Variants in ATXN7L1 observed in about 807,000 individuals in gnomAD.
The protein encoded by ATXN7L1 is ataxin 7 like 1.
ATXN7L1 carries 15 observed loss-of-function variants against 70.8 expected under a neutral mutation model. That is an observed-to-expected ratio of 0.21 (90% CI 0.14 to 0.33). The LOEUF is 0.33. Ranked by LOEUF, ATXN7L1 falls within the 10% of genes least tolerant of loss-of-function variation. The probability of loss-of-function intolerance (pLI) is 1.00; values close to 1 mark genes in which losing one functional copy is unlikely to be tolerated. For synonymous variants in ATXN7L1, 440 were observed against 445.1 expected, an observed-to-expected ratio of 0.99 and a Z score of 0.14; for missense variants, 975 against 1,097.1, an observed-to-expected ratio of 0.89 and a Z score of 1.57.
At chr7:105,679,368 T>C (rs1323907405) in intron 3 of ATXN7L1, among the ~76,000 whole-genome samples, 1 of 152,144 alleles carries the variant, frequency 6.6e-6, no homozygotes, top group African/African-American at 2.4e-5. Flanking sequence ...GGGCTGGGCC[T>C]TTCCGCAGCC....
chr7:105,766,197 C>A (rs546329674), intron 3 of ATXN7L1, among the ~76,000 whole-genome samples: 1 of 150,086 alleles, frequency 6.7e-6, no homozygotes, highest in Non-Finnish European at 1.5e-5. Context: ...CTATTGCATC[C>A]TTGGACATAA....
chr7:105,800,776 C>T (rs1806697866), intron 2 of ATXN7L1, among the ~76,000 whole-genome samples: 1 of 152,210 alleles, frequency 6.6e-6, no homozygotes, highest in Non-Finnish European at 1.5e-5. Flanking sequence ...TTCCAGAAAA[C>T]AGTGTCTTAC....
intron 3 of ATXN7L1, among the ~76,000 whole-genome samples, chr7:105,781,393 C>A (rs1941637427): frequency 6.6e-6 from 1 of 152,168 alleles, no homozygotes. Context: ...TACACAATTA[C>A]TAAAAAGTAA....
At chr7:105,695,962 G>A (rs768091096) in intron 3 of ATXN7L1, among the ~76,000 whole-genome samples, 6 of 152,194 alleles carry the variant, frequency 3.9e-5, no homozygotes, top group Non-Finnish European at 7.3e-5. Context: ...TTGTCAGGAA[G>A]TGAAGGCTTG....
At chr7:105,735,082 C>T (rs1397835385) in intron 3 of ATXN7L1, among the ~76,000 whole-genome samples, 1 of 152,216 alleles carries the variant, frequency 6.6e-6, no homozygotes, top group Non-Finnish European at 1.5e-5. Context: ...TCTGTGCATT[C>T]TCACCTATAA....
intron 2 of ATXN7L1, among the ~76,000 whole-genome samples, chr7:105,820,803 C>T (rs532857255): frequency 1.3e-5 from 2 of 152,170 alleles, no homozygotes; most frequent in South Asian, 2.1e-4. Flanking sequence ...GCACCATCGC[C>T]TTGGTGATAA....
intron 2 of ATXN7L1, 60 bp downstream of exon 2, chr7:105,875,752 G>A: frequency 1.3e-6 from 2 of 1,510,440 alleles, no homozygotes; most frequent in Non-Finnish European, 9.2e-7. Flanking sequence ...CATTATATTC[G>A]AAATCCTGTG....
chr7:105,706,644 G>A (rs1793211189), intron 3 of ATXN7L1, among the ~76,000 whole-genome samples: 1 of 152,240 alleles, frequency 6.6e-6, no homozygotes, highest in Admixed American at 6.5e-5. Flanking sequence ...CACTATGCCA[G>A]CCACCAGCAT....
rs935045136 is a variant in ATXN7L1 at position 105,614,153 on chromosome 7, C to T, written c.2181G>A (p.Ala727=). ...CCGCGCCCACCTGTCTCACTATGTCCGCGGGGCCGCCGGGCAGCGAGGTCC... is the reference window on the plus strand; with the variant it reads ...CCGCGCCCACCTGTCTCACTATGTCTGCGGGGCCGCCGGGCAGCGAGGTCC... ...SGRTSLPGGP[A]DIVRQVGAVG... is the part of the protein sequence containing the mutation. The change falls in exon 10 of 12, where the codon GCG becomes GCA. Residue 727 remains alanine, a synonymous_variant. Transcript: ENST00000419735. The surrounding 1 kb of genome is among the most constrained non-coding windows in gnomAD (Gnocchi z 4.3). 2.1e-5 allele frequency: 33 copies of T among 1,551,528 alleles called. No homozygotes were observed. Among genetic ancestry groups the T allele is most frequent in the East Asian group, 1.5e-4 (6 of 40,930 alleles).
intron 3 of ATXN7L1, among the ~76,000 whole-genome samples, chr7:105,767,617 C>T (rs1801451850): frequency 6.6e-6 from 1 of 152,188 alleles, no homozygotes; most frequent in Non-Finnish European, 1.5e-5. Context: ...TTTTATCCTC[C>T]TGACAACCTC....
rs1028078287 is a variant in ATXN7L1 at position 105,788,522 on chromosome 7, C to A, written c.355+82G>T. ...CAGGCTGAGACAAGACATGGCGAGA[C>A]CCTGTCGGGGAGCCCAGGGGAAGGC... On this transcript the variant is annotated intron_variant, in intron 3 of 11. Transcript: ENST00000419735. 37 of 1,137,966 alleles carry A rather than the reference C, an allele frequency of 3.3e-5. No homozygotes were observed. The African/African-American group carries it at 5.2e-4, about 16-fold the overall frequency. 70.5% of individuals were successfully genotyped at this position (1,137,966 alleles called of 1,614,324 possible).
intron 2 of ATXN7L1, among the ~76,000 whole-genome samples, chr7:105,846,535 G>A (rs1038261853): frequency 1.3e-5 from 2 of 152,092 alleles, no homozygotes; most frequent in Non-Finnish European, 2.9e-5. Flanking sequence ...AAAATGGTGC[G>A]GCTGCTTTAG....
intron 4 of ATXN7L1, among the ~76,000 whole-genome samples, chr7:105,657,118 G>A (rs1307763228): frequency 6.6e-6 from 1 of 152,152 alleles, no homozygotes; most frequent in Non-Finnish European, 1.5e-5. Context: ...TTGGCCAGTA[G>A]GGGGCGATAC....
intron 2 of ATXN7L1, among the ~76,000 whole-genome samples, chr7:105,790,606 T>TTATCTATCTATCTATC (rs55703123): frequency 9.7e-5 from 13 of 133,658 alleles, no homozygotes; most frequent in South Asian, 5.1e-4. Context: ...AAGAAAAAAA[T>TTATCTATCTATCTATC]TATCTATCTA....
At chr7:105,814,357 G>T (rs1259358078) in intron 2 of ATXN7L1, among the ~76,000 whole-genome samples, 1 of 152,100 alleles carries the variant, frequency 6.6e-6, no homozygotes, top group Non-Finnish European at 1.5e-5. Flanking sequence ...CAATGATGAT[G>T]GTGATGATGA....
chr7:105,680,067 C>G (rs945024309), intron 3 of ATXN7L1, among the ~76,000 whole-genome samples: 1 of 143,164 alleles, frequency 7.0e-6, no homozygotes, highest in Non-Finnish European at 1.5e-5. Context: ...GGGTACATGC[C>G]TTTTAGTAAA....
chr7:105,797,315 G>C (rs1481532371), intron 2 of ATXN7L1, among the ~76,000 whole-genome samples: 1 of 152,196 alleles, frequency 6.6e-6, no homozygotes, highest in Non-Finnish European at 1.5e-5. Context: ...TAGGCTGCAT[G>C]AACAGGATGT....
chr7:105,804,928 G>A (rs79901790), intron 2 of ATXN7L1, among the ~76,000 whole-genome samples: 1,553 of 152,314 alleles, frequency 0.01, 26 homozygotes, highest in African/African-American at 0.036. Flanking sequence ...GCAGCTGGGA[G>A]AAAGGGAGAC....
intron 2 of ATXN7L1, among the ~76,000 whole-genome samples, chr7:105,831,482 T>C (rs530365496): frequency 3.9e-5 from 6 of 152,308 alleles, no homozygotes; most frequent in Admixed American, 2.6e-4. Flanking sequence ...TGACACCCAC[T>C]ATAAAAAGGT....
Sources: gnomAD v4.1 joint callset for allele counts (sites outside exome capture counted in the v4.1 genomes callset) on GRCh38, gnomAD v4.1.1 for gene constraint, Gnocchi (gnomAD v3.1) non-coding constraint, MANE v1.5 for transcripts, NCBI Gene and HGNC (gene_info 2026-07-23, HGNC 2026-07-21) for gene names.